Variants in HSPA4 observed in about 807,000 individuals in gnomAD.
HSPA4 encodes heat shock 70 kDa protein 4.
In HSPA4, 25 loss-of-function variants were observed where a neutral mutation model predicts 106.2. The observed-to-expected ratio is 0.24, with a 90% confidence interval of 0.17 to 0.33. The LOEUF is 0.33. HSPA4 is among the 10% of genes least tolerant of loss of function. The pLI is 1.00. For missense variants in HSPA4, 841 were observed against 996.0 expected (o/e 0.84, Z 2.10); for synonymous variants, 332 against 333.6 (o/e 1.00, Z 0.05).
Position 133,070,378 on chromosome 5 carries a change from C to A in HSPA4, c.311C>A (p.Thr104Lys), listed in dbSNP as rs1459462893. 2 of 1,609,592 alleles carry A rather than the reference C, an allele frequency of 1.2e-6. No homozygotes were observed. The highest frequency in any genetic ancestry group is 1.3e-5 in the African/African-American group (1 of 74,506). ...CCCTTTGTTGTTTTCTTGCAGGTGA[C>A]ATATATGGAGGAAGAGCGAAATTTT... ...LPTGLTGIKV[T>K]YMEEERNFTT... is the part of the protein sequence containing the mutation. The change falls in exon 4 of 19, where the codon ACA becomes AAA. Residue 104 changes from threonine (T) to lysine (K), a missense_variant. By Grantham distance (78) the Thr-to-Lys change is moderately conservative. Around this residue, in one of 5 missense-constraint regions of HSPA4, gnomAD observed 347 missense variants for 408.7 expected, o/e 0.85. Coordinates refer to ENST00000304858, the MANE Select transcript of HSPA4 (RefSeq NM_002154.4).
At position 133,104,558 on chromosome 5, in the gene HSPA4, CG is replaced by C; in HGVS notation, c.*126del. Reference sequence around the variant, plus strand: ...TCTTAGTCAGTTTTTAGGGGATTTTCGGGGAGGGGAAATAGGTAATGTATGG... The same window carrying C: ...TCTTAGTCAGTTTTTAGGGGATTTTCGGGAGGGGAAATAGGTAATGTATGG... On this transcript the variant is annotated 3_prime_UTR_variant, in exon 19 of 19. Coordinates refer to ENST00000304858, the MANE Select transcript of HSPA4 (RefSeq NM_002154.4). The C allele has an allele frequency of 1.2e-6, 1 of 832,676 alleles. No individual in the cohort carries two copies. The highest frequency in any genetic ancestry group is 1.8e-5 in the South Asian group (1 of 56,844). 51.6% of individuals were successfully genotyped at this position (832,676 alleles called of 1,614,324 possible). A position where few individuals can be genotyped will look rare whatever the true frequency, so the allele number is the denominator to read the frequency against.
chr5:133,075,827 CT>C (rs1765440150), intron 6 of HSPA4, among the ~76,000 whole-genome samples: 1 of 150,508 alleles, frequency 6.6e-6, no homozygotes, highest in Non-Finnish European at 1.5e-5. Context: ...GAGACCCTGT[CT>C]CAAAAAAAAG....
Position 133,092,804 on chromosome 5 carries a change from GTGTTTTTT to G in HSPA4, c.1650+17_1650+24del, listed in dbSNP as rs138191943. 2.2e-5 allele frequency: 16 copies of G among 717,724 alleles called. No individual in the cohort carries two copies. The highest frequency in any genetic ancestry group is 5.1e-5 in the African/African-American group (2 of 38,936). 44.5% of individuals were successfully genotyped at this position (717,724 alleles called of 1,614,324 possible). ...AAGAAATGGAGGTATGCATTGGGTG[GTGTTTTTT>G]TTTTTTTTTTTTTTTTTTTTTTTTT... On this transcript the variant is annotated intron_variant, in intron 13 of 18. Transcript: ENST00000304858.
chr5:133,091,946 G>A (rs1765652580), intron 12 of HSPA4, among the ~76,000 whole-genome samples: 1 of 152,184 alleles, frequency 6.6e-6, no homozygotes, highest in African/African-American at 2.4e-5. Context: ...CTGCATGGGA[G>A]GCTGAGGCAG....
intron 4 of HSPA4, among the ~76,000 whole-genome samples, chr5:133,071,826 C>T (rs1179589342): frequency 6.6e-6 from 1 of 152,138 alleles, no homozygotes; most frequent in East Asian, 1.9e-4. Context: ...TGGGGGTGGG[C>T]TTTATTCTTT....
chr5:133,091,262 G>A lies in HSPA4; in HGVS notation c.1448G>A (p.Arg483Gln), dbSNP rs770551334. ...AGTTCAAAAGTGAAAGTCAAAGTTC[G>A]AGTAAATGTCCATGGCATTTTCAGT... Reference protein sequence around the residue: ...GSSSKVKVKVRVNVHGIFSVS... With the variant: ...GSSSKVKVKVQVNVHGIFSVS... The change falls in exon 12 of 19, where the codon CGA (arginine) becomes CAA (glutamine). Residue 483 changes from arginine to glutamine, a missense_variant. By Grantham distance (43) the Arg-to-Gln change is conservative. This residue lies in a region of HSPA4 where 162 missense variants were observed against 177.7 expected (regional missense o/e 0.91). Transcript: ENST00000304858. 38 of 1,613,822 alleles carry A rather than the reference G, an allele frequency of 2.4e-5. No individual in the cohort carries two copies. Among genetic ancestry groups the A allele is most frequent in the Non-Finnish European group, 3.1e-5 (36 of 1,179,828 alleles).
intron 7 of HSPA4, among the ~76,000 whole-genome samples, chr5:133,080,103 T>G (rs1765495128): frequency 6.6e-6 from 1 of 152,044 alleles, no homozygotes; most frequent in Non-Finnish European, 1.5e-5. Flanking sequence ...TGCCCAAATG[T>G]TTTTGATTTT....
intron 8 of HSPA4, 87 bp downstream of exon 8, chr5:133,086,945 A>T: frequency 1.9e-6 from 2 of 1,052,938 alleles, no homozygotes; most frequent in Non-Finnish European, 2.9e-6. Flanking sequence ...AAGCAGTGAT[A>T]GAAATTTTTA....
Position 133,067,079 on chromosome 5 carries a change from T to C in HSPA4, c.166-338T>C, listed in dbSNP as rs149607284. Reference sequence around the variant, plus strand: ...TTCCTGGAAACTTTCAACCATAAACTATGGGCAATTTTTAAAGGCTAAAAG... The same window carrying C: ...TTCCTGGAAACTTTCAACCATAAACCATGGGCAATTTTTAAAGGCTAAAAG... On this transcript the variant is annotated intron_variant, in intron 2 of 18. Coordinates refer to ENST00000304858, the MANE Select transcript of HSPA4 (RefSeq NM_002154.4). Among the ~76,000 whole-genome samples the C allele has an allele frequency of 4.9e-3, 749 of 152,290 alleles. 16 individuals carry two copies. Among genetic ancestry groups the C allele is most frequent in the East Asian group, 7.3e-3 (38 of 5,188 alleles).
At chr5:133,066,017 T>C (rs188227188) in intron 2 of HSPA4, among the ~76,000 whole-genome samples, 2 of 152,370 alleles carry the variant, frequency 1.3e-5, no homozygotes, top group East Asian at 3.9e-4. Flanking sequence ...GGATGTTTTA[T>C]AGTTCATTTT....
Position 133,088,419 on chromosome 5 carries a change from A to G in HSPA4, c.1001A>G (p.Asp334Gly), listed in dbSNP as rs751558986. 4 of 1,608,158 alleles carry G rather than the reference A, an allele frequency of 2.5e-6. No homozygotes were observed. The highest frequency in any genetic ancestry group is 2.6e-6 in the Non-Finnish European group (3 of 1,175,478). Reference protein sequence around the residue: ...VLEQTKLKKEDIYAVEIVGGA... With the variant: ...VLEQTKLKKEGIYAVEIVGGA... ...TTAAAAATAGAGTTAAAGAAAGAAG[A>G]TATTTATGCAGTGGAGATAGTTGGT... Residue 334 changes from aspartate to glycine, a missense_variant, in exon 9 of 19, where the codon GAT becomes GGT. Around this residue, in one of 5 missense-constraint regions of HSPA4, gnomAD observed 347 missense variants for 408.7 expected, o/e 0.85. Coordinates refer to ENST00000304858, the MANE Select transcript of HSPA4 (RefSeq NM_002154.4).
At chr5:133,091,579 T>C (rs1306191603) in intron 12 of HSPA4, among the ~76,000 whole-genome samples, 1 of 152,202 alleles carries the variant, frequency 6.6e-6, no homozygotes, top group Non-Finnish European at 1.5e-5. Context: ...CACAAGTTGA[T>C]TTCTTCTTTC....
chr5:133,054,303 A>G (rs1765131320), intron 1 of HSPA4, among the ~76,000 whole-genome samples: 2 of 151,766 alleles, frequency 1.3e-5, no homozygotes, highest in South Asian at 4.2e-4. Context: ...CCTGGGTTCA[A>G]GCGATTCTCC....
intron 7 of HSPA4, among the ~76,000 whole-genome samples, chr5:133,078,583 T>G (rs1044745540): frequency 7.2e-6 from 1 of 137,962 alleles, no homozygotes; most frequent in Non-Finnish European, 1.5e-5. Flanking sequence ...TGCAGTGAGC[T>G]GAGATCGTGC....
At chr5:133,098,969 G>A (rs1392862020) in intron 15 of HSPA4, among the ~76,000 whole-genome samples, 2 of 152,072 alleles carry the variant, frequency 1.3e-5, no homozygotes, top group Non-Finnish European at 2.9e-5. Flanking sequence ...GTTCCCAGAT[G>A]CACTTGCTTT....
chr5:133,069,891 G>A (rs1284387736), intron 3 of HSPA4, among the ~76,000 whole-genome samples: 5 of 152,174 alleles, frequency 3.3e-5, no homozygotes, highest in African/African-American at 9.7e-5. Context: ...TAGGCTATGC[G>A]TGGTGGCTCA....
chr5:133,073,651 A>G (rs1229027051), intron 5 of HSPA4, among the ~76,000 whole-genome samples: 1 of 152,212 alleles, frequency 6.6e-6, no homozygotes, highest in African/African-American at 2.4e-5. Context: ...GAGGAATGGG[A>G]CATTAAGCAG....
intron 1 of HSPA4, among the ~76,000 whole-genome samples, chr5:133,056,253 GC>G (rs1188786247): frequency 6.6e-6 from 1 of 152,150 alleles, no homozygotes; most frequent in Non-Finnish European, 1.5e-5. Flanking sequence ...TTGAAGAGCA[GC>G]CACGACTCTT....
intron 13 of HSPA4, among the ~76,000 whole-genome samples, chr5:133,093,821 TCAGTGGTTCATGCTTGTAATCC>T (rs1424596145): frequency 6.6e-6 from 1 of 152,102 alleles, no homozygotes; most frequent in Non-Finnish European, 1.5e-5. Context: ...GGGGCCTGGT[TCAGTGGTTCATGCTTGTAATCC>T]CAGCACTTTG....
Sources: gnomAD v4.1 joint callset for allele counts (sites outside exome capture counted in the v4.1 genomes callset) on GRCh38, gnomAD v4.1.1 for gene constraint, gnomAD v4.1.1 regional missense constraint, MANE v1.5 for transcripts, NCBI Gene and HGNC (gene_info 2026-07-23, HGNC 2026-07-21) for gene names.